ZNF730: variants seen among roughly 807,000 people sequenced by gnomAD.
The protein encoded by ZNF730 is zinc finger protein 730.
In ZNF730, 12 loss-of-function variants were observed where a neutral mutation model predicts 12.6. The ratio of observed to expected loss-of-function variants is 0.95; its 90% CI spans 0.61 to 1.54. ZNF730 has a LOEUF of 1.54. Among genes scored for constraint, ZNF730 ranks in the 40% most tolerant of loss-of-function variants. The pLI, the probability that ZNF730 is intolerant of heterozygous loss-of-function variation, is 0.00. For synonymous variants in ZNF730, 194 were observed against 195.8 expected (o/e 0.99, Z 0.08); for missense variants, 643 against 583.5 (o/e 1.10, Z -1.05).
At position 23,082,012 on chromosome 19, in the gene ZNF730, T is replaced by C. The variant is rs115794699; in HGVS notation, c.-94+6625T>C. Among the ~76,000 whole-genome samples, 878 of 152,280 alleles carry C rather than the reference T, an allele frequency of 5.8e-3. 7 individuals carry two copies. Among genetic ancestry groups the C allele is most frequent in the African/African-American group, 0.02 (828 of 41,568 alleles). ...TCTCTTGTCTCAGTCTTTCACACTG[T>C]AGGAATTACAGTCATGTGCCACCAC... is the stretch of plus-strand genomic sequence containing the variant. On this transcript the variant is annotated intron_variant, in intron 1 of 2. Coordinates refer to the ZNF730 transcript ENST00000593635.
At chr19:23,122,793 T>C (rs1393114692) in intron 1 of ZNF730, among the ~76,000 whole-genome samples, 2 of 152,228 alleles carry the variant, frequency 1.3e-5, no homozygotes, top group African/African-American at 4.8e-5. Context: ...TAAATCCCTT[T>C]AGTCATTTTA....
intron 2 of ZNF730, among the ~76,000 whole-genome samples, chr19:23,134,918 A>G (rs1174680462): frequency 1.2e-5 from 1 of 80,896 alleles, no homozygotes; most frequent in Non-Finnish European, 2.5e-5. Context: ...TTGATCTGTG[A>G]CCTTATCCCC....
chr19:23,079,542 T>C (rs923345244), intron 1 of ZNF730, among the ~76,000 whole-genome samples: 4 of 152,230 alleles, frequency 2.6e-5, no homozygotes, highest in African/African-American at 9.6e-5. Flanking sequence ...TATAATTTTG[T>C]GAGAAGAACA....
chr19:23,116,620 CTTG>C (rs1274307370), upstream of ZNF730, among the ~76,000 whole-genome samples: 1 of 136,630 alleles, frequency 7.3e-6, no homozygotes, highest in Non-Finnish European at 1.5e-5. Context: ...CGGGGTTTCA[CTTG>C]TTGGCCAGGC....
intron 1 of ZNF730, among the ~76,000 whole-genome samples, chr19:23,125,279 G>A (rs1249443840): frequency 6.6e-6 from 1 of 152,142 alleles, no homozygotes; most frequent in Non-Finnish European, 1.5e-5. Context: ...TTGATGAAAA[G>A]ATACCTGAAA....
chr19:23,107,099 G>T (rs1243664305), intron 1 of ZNF730, among the ~76,000 whole-genome samples: 1 of 142,684 alleles, frequency 7.0e-6, no homozygotes, highest in Non-Finnish European at 1.5e-5. Context: ...GACAGTCATT[G>T]TCACCCAGGC....
chr19:23,142,862 A>G (rs1461987286), intron 3 of ZNF730, among the ~76,000 whole-genome samples: 1 of 149,850 alleles, frequency 6.7e-6, no homozygotes. Context: ...TTTTGTATTG[A>G]TATGGTTTTA....
chr19:23,084,602 T>C (rs757523402), intron 1 of ZNF730, among the ~76,000 whole-genome samples: 131 of 152,206 alleles, frequency 8.6e-4, no homozygotes, highest in Non-Finnish European at 7.6e-4. Flanking sequence ...CCTGATCCTT[T>C]TCCTCCTCCA....
intron 1 of ZNF730, among the ~76,000 whole-genome samples, chr19:23,080,682 T>TAA (rs1969947630): frequency 6.6e-6 from 1 of 151,874 alleles, no homozygotes; most frequent in African/African-American, 2.4e-5. Context: ...GCTATGCTCT[T>TAA]ACTTTTATTG....
In ZNF730 at chr19:23,146,692, C is replaced by T. The variant is rs1971020141; in HGVS notation, c.*136C>T. 6.1e-6 allele frequency: 9 copies of T among 1,464,386 alleles called. No individual in the cohort carries two copies. Among genetic ancestry groups the T allele is most frequent in the Admixed American group, 3.4e-5 (2 of 59,532 alleles). 90.7% of individuals were successfully genotyped at this position (1,464,386 alleles called of 1,614,324 possible). A position where few individuals can be genotyped will look rare whatever the true frequency, so the allele number is the denominator to read the frequency against. On this transcript the variant is annotated 3_prime_UTR_variant, in exon 4 of 4. Transcript: ENST00000597761. Reference sequence around the variant, plus strand: ...TAACCAGTCCTCAAATCTTACTAAACATAAGGTAATTCATACTGGAGAAAA... The same window carrying T: ...TAACCAGTCCTCAAATCTTACTAAATATAAGGTAATTCATACTGGAGAAAA...
intron 1 of ZNF730, among the ~76,000 whole-genome samples, chr19:23,084,067 T>C (rs993507656): frequency 2.0e-5 from 3 of 152,180 alleles, no homozygotes; most frequent in South Asian, 2.1e-4. Context: ...TACATTTGAG[T>C]CTTTAATTCA....
At chr19:23,143,481 T>C (rs898346818) in intron 3 of ZNF730, 3 of 152,010 alleles carry the variant, frequency 2.0e-5, no homozygotes, top group African/African-American at 7.2e-5. Context: ...ACAAAAATCC[T>C]TTTTTTATGT....
rs532881255 is a variant in ZNF730 at position 23,145,888 on chromosome 19, A to G, written c.844A>G (p.Lys282Glu). 9 of 1,610,700 alleles carry G rather than the reference A, an allele frequency of 5.6e-6. No homozygotes were observed. The African/African-American group carries it at 6.7e-5, about 12-fold the overall frequency. ...TTHKRIHTGE[K>E]PYKCEECGKA... ...ACATAAAAGAATTCATACTGGAGAG[A>G]AACCCTATAAATGTGAAGAATGTGG... The change falls in exon 4 of 4, where the codon AAA becomes GAA. Residue 282 changes from lysine (K) to glutamate (E), a missense_variant. Lys to Glu is a moderately conservative substitution (Grantham distance 56, BLOSUM62 1). Transcript: ENST00000597761.
intron 1 of ZNF730, among the ~76,000 whole-genome samples, chr19:23,083,012 C>T (rs1969991245): frequency 6.6e-6 from 1 of 151,668 alleles, no homozygotes; most frequent in South Asian, 2.1e-4. Flanking sequence ...TTTCTTTATT[C>T]ATTTATCTGT....
At chr19:23,130,398 C>G (rs749743344) in intron 1 of ZNF730, among the ~76,000 whole-genome samples, 6 of 152,122 alleles carry the variant, frequency 3.9e-5, no homozygotes, top group Non-Finnish European at 8.8e-5. Context: ...TCTTCCCAGT[C>G]TCAGGTATGT....
intron 1 of ZNF730, among the ~76,000 whole-genome samples, chr19:23,083,734 A>G (rs993565020): frequency 1.3e-5 from 2 of 151,946 alleles, no homozygotes; most frequent in East Asian, 3.9e-4. Context: ...TTTTTTTGAT[A>G]ATACCTGTTA....
At chr19:23,090,998 C>T (rs1210132282) in intron 1 of ZNF730, among the ~76,000 whole-genome samples, 2 of 148,370 alleles carry the variant, frequency 1.3e-5, no homozygotes, top group Non-Finnish European at 3.0e-5. Context: ...AAGACTTCGT[C>T]TCAAAAAAAA....
intron 3 of ZNF730, among the ~76,000 whole-genome samples, chr19:23,141,629 T>C (rs1970921806): frequency 6.8e-6 from 1 of 147,122 alleles, no homozygotes; most frequent in Non-Finnish European, 1.5e-5. Flanking sequence ...CAAGAGTGTG[T>C]TAATTTTTAT....
At chr19:23,114,300 CTTTTCTTTTTTT>C (rs1970489779), upstream of ZNF730, among the ~76,000 whole-genome samples, 1 of 119,540 alleles carries the variant, frequency 8.4e-6, no homozygotes, top group African/African-American at 3.5e-5. Context: ...TTTTCTTTTT[CTTTTCTTTTTTT>C]TTTTTTTTTT....
Sources: allele counts gnomAD v4.1 joint callset (sites outside exome capture counted in the v4.1 genomes callset), GRCh38; gene constraint gnomAD v4.1.1; transcripts MANE v1.5; gene names NCBI Gene and HGNC (gene_info 2026-07-23, HGNC 2026-07-21).